MLLT1: variants seen among roughly 807,000 people sequenced by gnomAD.
The protein encoded by MLLT1 is MLLT1 super elongation complex subunit, also known as protein ENL.
In MLLT1, 11 loss-of-function variants were observed where a neutral mutation model predicts 55.1. That is an observed-to-expected ratio of 0.20 (90% CI 0.13 to 0.33). The LOEUF (loss-of-function observed/expected upper bound fraction) is 0.33. Among genes scored for constraint, MLLT1 ranks in the 10% least tolerant of loss-of-function variants. The pLI, the probability that MLLT1 is intolerant of heterozygous loss-of-function variation, is 1.00. For synonymous variants in MLLT1, 323 were observed against 320.1 expected (o/e 1.01, Z -0.10); for missense variants, 536 against 760.6 (o/e 0.70, Z 3.47).
intron 3 of MLLT1, among the ~76,000 whole-genome samples, chr19:6,252,107 T>A (rs1037134927): frequency 6.6e-6 from 1 of 152,104 alleles, no homozygotes; most frequent in Admixed American, 6.6e-5. Context: ...ACTGGTTGGG[T>A]TGCAGATGGG....
intron 7 of MLLT1, among the ~76,000 whole-genome samples, chr19:6,217,548 G>A (rs1461207164): frequency 6.6e-5 from 10 of 152,242 alleles, no homozygotes; most frequent in Non-Finnish European, 1.2e-4. Context: ...TCCGGCAGCA[G>A]GAGACCCCGG....
intron 3 of MLLT1, among the ~76,000 whole-genome samples, chr19:6,252,752 TC>T (rs927341601): frequency 5.9e-5 from 9 of 152,064 alleles, no homozygotes; most frequent in Admixed American, 5.9e-4. Context: ...ATAGAGTGAA[TC>T]AATAAAATCA....
At chr19:6,224,558 G>T (rs1394022982) in intron 5 of MLLT1, among the ~76,000 whole-genome samples, 2 of 152,012 alleles carry the variant, frequency 1.3e-5, no homozygotes, top group African/African-American at 4.8e-5. Flanking sequence ...AACTCCAAAG[G>T]CACGTCAGAG....
At position 6,261,573 on chromosome 19, in the gene MLLT1, C is replaced by T. The variant is rs1284450505; in HGVS notation, c.276+655G>A. ...CAAGCCACAAGCCAGGAAATGTCAC[C>T]GCTGGCCCTGTGGTGACACCTGGGA... On this transcript the variant is annotated intron_variant, in intron 3 of 11. Transcript: ENST00000252674. Among the ~76,000 whole-genome samples the T allele has an allele frequency of 4.0e-5, 6 of 151,388 alleles. No homozygotes were observed. The East Asian group carries it at 5.9e-4, about 15-fold the overall frequency.
At chr19:6,257,431 G>A (rs1460533256) in intron 3 of MLLT1, among the ~76,000 whole-genome samples, 4 of 148,504 alleles carry the variant, frequency 2.7e-5, no homozygotes, top group Non-Finnish European at 4.5e-5. Context: ...AAGGGGAAAA[G>A]ATATTTGAAA....
In MLLT1 at chr19:6,214,037, A is replaced by C. The variant is rs964629816; in HGVS notation, c.1309T>G (p.Leu437Val). Residue 437 changes from leucine (L) to valine (V), a missense_variant and splice_region_variant, in exon 9 of 12, where the codon TTG (leucine) becomes GTG (valine). Physicochemically the swap from Leu to Val is conservative, Grantham distance 32. Around this residue, in one of 3 missense-constraint regions of MLLT1, gnomAD observed 449 missense variants for 489.0 expected, o/e 0.92. Coordinates refer to ENST00000252674, the MANE Select transcript of MLLT1 (RefSeq NM_005934.4). Reference protein sequence around the residue: ...GKTNPGRDSRLSFSDSESDNS... With the variant: ...GKTNPGRDSRVSFSDSESDNS... ...TCACTCTCGCTGTCGCTGAAGCTCA[A>C]CCTGAACCGACACACGGGGGCGCAT... is the stretch of plus-strand genomic sequence containing the variant. 7.0e-7 allele frequency: 1 copy of C among 1,427,286 alleles called. No homozygotes were observed. Among genetic ancestry groups the C allele is most frequent in the South Asian group, 1.7e-5 (1 of 60,200 alleles). The allele number at this position is 1,427,286 out of a possible 1,614,324, so 88.4% of individuals were successfully genotyped here.
intron 2 of MLLT1, among the ~76,000 whole-genome samples, chr19:6,263,645 A>G (rs527937784): frequency 3.3e-5 from 5 of 152,184 alleles, no homozygotes; most frequent in African/African-American, 7.2e-5. Context: ...AGGGAGACGC[A>G]CCGGCCCACT....
At chr19:6,228,296 C>T (rs780896515) in intron 4 of MLLT1, among the ~76,000 whole-genome samples, 2 of 152,200 alleles carry the variant, frequency 1.3e-5, no homozygotes, top group Admixed American at 6.5e-5. Flanking sequence ...CCCATTCCTT[C>T]GACTCTCATG....
Position 6,230,276 on chromosome 19 carries a change from G to A in MLLT1, c.420+294C>T, listed in dbSNP as rs905149448. Among the ~76,000 whole-genome samples the A allele has an allele frequency of 2.6e-5, 4 of 152,186 alleles. No individual in the cohort carries two copies. The highest frequency in any genetic ancestry group is 9.7e-5 in the African/African-American group (4 of 41,444). Reference sequence around the variant, plus strand: ...ACAAGCCAGCTCCAGGCCCAGCCACGCGGTCAGACCAGCCTCGCGCCCATC... The same window carrying A: ...ACAAGCCAGCTCCAGGCCCAGCCACACGGTCAGACCAGCCTCGCGCCCATC... On this transcript the variant is annotated intron_variant, in intron 4 of 11. Coordinates refer to ENST00000252674, the MANE Select transcript of MLLT1 (RefSeq NM_005934.4). This position sits in a 1 kb window ranked among gnomAD's most constrained non-coding sequence, Gnocchi z 9.0.
rs2090998596 is a variant in MLLT1 at position 6,230,441 on chromosome 19, G to A, written c.420+129C>T. 1 of 1,135,450 alleles carries A rather than the reference G, an allele frequency of 8.8e-7. No individual in the cohort carries two copies. The allele number at this position is 1,135,450 out of a possible 1,614,324, so 70.3% of individuals were successfully genotyped here. ...CCCAGGTCCCCTCCAGCTCTGCTGG[G>A]TGCTGCCGTGTGACCTGCGCCTTGG... On this transcript the variant is annotated intron_variant, in intron 4 of 11. Coordinates refer to ENST00000252674, the MANE Select transcript of MLLT1 (RefSeq NM_005934.4). The surrounding 1 kb of genome is among the most constrained non-coding windows in gnomAD (Gnocchi z 9.0).
At position 6,214,123 on chromosome 19, in the gene MLLT1, C is replaced by G. The variant is rs187089032; in HGVS notation, c.1308-85G>C. ...CCCAGGCTCAAGCCTCTGCCCCGCA[C>G]GGAGTCGGTGCCTGAGCCCACACAC... On this transcript the variant is annotated intron_variant, in intron 8 of 11. Coordinates refer to ENST00000252674, the MANE Select transcript of MLLT1 (RefSeq NM_005934.4). 1,658 of 817,548 alleles carry G rather than the reference C, an allele frequency of 2.0e-3. 2 individuals carry two copies. Among genetic ancestry groups the G allele is most frequent in the Non-Finnish European group, 2.4e-3 (1,410 of 577,242 alleles). 50.6% of individuals were successfully genotyped at this position (817,548 alleles called of 1,614,324 possible).
At chr19:6,265,627 G>A (rs921338842) in intron 2 of MLLT1, among the ~76,000 whole-genome samples, 6 of 151,884 alleles carry the variant, frequency 4.0e-5, no homozygotes, top group Admixed American at 1.3e-4. Context: ...CCAAGATCGC[G>A]CCATTGCACT....
intron 10 of MLLT1, 145 bp from the exon 11 acceptor site, chr19:6,213,553 G>A (rs2090803065): frequency 1.0e-6 from 1 of 990,732 alleles, no homozygotes; most frequent in Non-Finnish European, 1.6e-6. Flanking sequence ...AGGCTGCAGG[G>A]GCAGCCCCTC....
At chr19:6,258,458 C>T (rs1046360295) in intron 3 of MLLT1, among the ~76,000 whole-genome samples, 3 of 152,178 alleles carry the variant, frequency 2.0e-5, no homozygotes, top group Non-Finnish European at 4.4e-5. Flanking sequence ...TCAAGCAAGG[C>T]AACGCTGTCG....
chr19:6,210,430 C>T lies in MLLT1; in HGVS notation c.*2612G>A, dbSNP rs2090755667. The T allele has an allele frequency of 5.3e-6, 1 of 189,886 alleles. No homozygotes were observed. Among genetic ancestry groups the T allele is most frequent in the South Asian group, 2.0e-4 (1 of 5,116 alleles). 11.8% of individuals were successfully genotyped at this position (189,886 alleles called of 1,614,324 possible). A position where few individuals can be genotyped will look rare whatever the true frequency, so the allele number is the denominator to read the frequency against. On this transcript the variant is annotated 3_prime_UTR_variant, in exon 12 of 12. Transcript: ENST00000252674. The surrounding 1 kb of genome is among the most constrained non-coding windows in gnomAD (Gnocchi z 4.6). Reference sequence around the variant, plus strand: ...ACTTTTTTTTTCTATAAAACTCCTCCATAATTTCACAATTTAACAAAAGTT... The same window carrying T: ...ACTTTTTTTTTCTATAAAACTCCTCTATAATTTCACAATTTAACAAAAGTT...
rs951662929 is a variant in MLLT1, at chr19:6,235,607, C to A, written c.277-4894G>T. On this transcript the variant is annotated intron_variant, in intron 3 of 11. Transcript: ENST00000252674. This position sits in a 1 kb window ranked among gnomAD's most constrained non-coding sequence, Gnocchi z 5.5. The stretch of plus-strand genomic sequence containing the variant: ...GGTCCTCTCCTCTCCACACTCCTGG[C>A]CACAGCTGTGCACCCTGGCTGCACA... 6.6e-6 allele frequency among the ~76,000 whole-genome samples: 1 copy of A among 152,156 alleles called. No homozygotes were observed. Among genetic ancestry groups the A allele is most frequent in the African/African-American group, 2.4e-5 (1 of 41,442 alleles).
intron 2 of MLLT1, among the ~76,000 whole-genome samples, chr19:6,264,504 C>A (rs2091330604): frequency 6.6e-6 from 1 of 151,826 alleles, no homozygotes; most frequent in Non-Finnish European, 1.5e-5. Context: ...AATTTGGAGA[C>A]CACAGAGAGT....
At position 6,218,057 on chromosome 19, in the gene MLLT1, G is replaced by C. The variant is rs1173839695; in HGVS notation, c.1111-16C>G. 30 of 1,597,120 alleles carry C rather than the reference G, an allele frequency of 1.9e-5. No homozygotes were observed. Among genetic ancestry groups the C allele is most frequent in the Non-Finnish European group, 2.5e-5 (29 of 1,172,084 alleles). On this transcript the variant is annotated splice_polypyrimidine_tract_variant and intron_variant, in intron 6 of 11. Transcript: ENST00000252674. ...ACTGGGCAGACTTCACCCAATGGTG[G>C]GATGGGCAGGGAGGGGAGAAAGGGA...
chr19:6,230,732 GAA>G lies in MLLT1; in HGVS notation c.277-21_277-20del. 6.2e-7 allele frequency: 1 copy of G among 1,613,668 alleles called. No individual in the cohort carries two copies. Among genetic ancestry groups the G allele is most frequent in the Non-Finnish European group, 8.5e-7 (1 of 1,179,832 alleles). On this transcript the variant is annotated intron_variant, in intron 3 of 11. Coordinates refer to ENST00000252674, the MANE Select transcript of MLLT1 (RefSeq NM_005934.4). The surrounding 1 kb of genome is among the most constrained non-coding windows in gnomAD (Gnocchi z 9.0). ...GCTCCTCCTGAAACAGAGAAAACAA[GAA>G]AGTCTGCATCAGAGGGTGGCCGTGG...
Sources: gnomAD v4.1 joint callset for allele counts (sites outside exome capture counted in the v4.1 genomes callset) on GRCh38, gnomAD v4.1.1 for gene constraint, gnomAD v4.1.1 regional missense constraint, Gnocchi (gnomAD v3.1) non-coding constraint, MANE v1.5 for transcripts, NCBI Gene and HGNC (gene_info 2026-07-23, HGNC 2026-07-21) for gene names.